AMZ1: variants seen among roughly 807,000 people sequenced by gnomAD.
The protein encoded by AMZ1 is archaemetzincin-1.
A neutral mutation model predicts 29.9 loss-of-function variants in AMZ1; 39 were observed. The observed-to-expected ratio is 1.30, with a 90% CI of 1.01 to 1.70. The LOEUF is 1.70. Among genes scored for constraint, AMZ1 ranks in the 40% most tolerant of loss-of-function variants. The pLI is 0.00. For synonymous variants in AMZ1, 458 were observed against 304.0 expected, an observed-to-expected ratio of 1.51 and a Z score of -5.27; for missense variants, 1,041 against 680.6, an observed-to-expected ratio of 1.53 and a Z score of -5.89.
At chr7:2,691,660 G>A (rs758812246) in intron 1 of AMZ1, among the ~76,000 whole-genome samples, 2 of 144,100 alleles carry the variant, frequency 1.4e-5, no homozygotes, top group Non-Finnish European at 3.0e-5. Context: ...GAACCCAGGA[G>A]GCGGAGGTTG....
chr7:2,745,032 T>C (rs1790698365), intron 4 of AMZ1, among the ~76,000 whole-genome samples: 1 of 152,086 alleles, frequency 6.6e-6, no homozygotes, highest in African/African-American at 2.4e-5. Context: ...AAAGACCAAA[T>C]CTACATCTGA....
rs1211407749 is a variant in AMZ1, at chr7:2,702,746, G to A, written c.329G>A (p.Ser110Asn). 1 of 1,538,892 alleles carries A rather than the reference G, an allele frequency of 6.5e-7. No homozygotes were observed. The stretch of plus-strand genomic sequence containing the variant: ...GACCTGAGCGAGGAGCCGGTGGGAA[G>A]CTCCCTGCTGCACCAGCTGTGCAGC... ...PIDLSEEPVGSSLLHQLCSCT... is the reference protein window; with the variant it reads ...PIDLSEEPVGNSLLHQLCSCT... Residue 110 changes from serine to asparagine, a missense_variant, in exon 3 of 7, where the codon AGC becomes AAC. By Grantham distance (46) the Ser-to-Asn change is conservative (BLOSUM62 1). Transcript: ENST00000683327.
At chr7:2,758,701 G>T (rs1791415888) in intron 4 of AMZ1, among the ~76,000 whole-genome samples, 1 of 152,222 alleles carries the variant, frequency 6.6e-6, no homozygotes, top group Non-Finnish European at 1.5e-5. Context: ...TGCCTGTGTA[G>T]CAGCGTGCCC....
chr7:2,765,032 A>G (rs1202656925), intron 1 of AMZ1: 2 of 152,250 alleles, frequency 1.3e-5, no homozygotes, highest in East Asian at 3.8e-4. Context: ...AAAGGAAAGG[A>G]AGCATAATCT....
intron 4 of AMZ1, among the ~76,000 whole-genome samples, chr7:2,738,124 CA>C (rs1243667076): frequency 6.6e-6 from 1 of 152,058 alleles, no homozygotes; most frequent in South Asian, 2.1e-4. Flanking sequence ...TTATCATCCC[CA>C]AATATTAGGT....
intron 4 of AMZ1, among the ~76,000 whole-genome samples, chr7:2,747,318 C>T (rs1393704052): frequency 6.6e-6 from 1 of 152,166 alleles, no homozygotes; most frequent in African/African-American, 2.4e-5. Flanking sequence ...AAAGCTTATC[C>T]ACCATGATCA....
rs1787973509 is a variant in AMZ1 at position 2,700,337 on chromosome 7, G to C, written c.-115G>C. On this transcript the variant is annotated 5_prime_UTR_variant, in exon 2 of 7. Coordinates refer to ENST00000683327, the MANE Select transcript of AMZ1 (RefSeq NM_001384743.1). The stretch of plus-strand genomic sequence containing the variant: ...AGTGTCTGTCTGCAGGGAGCCCCCG[G>C]TAGCCACTCGGATCAGCCCGAGGGA... 1.6e-6 allele frequency: 2 copies of C among 1,257,374 alleles called. No homozygotes were observed. Among genetic ancestry groups the C allele is most frequent in the Admixed American group, 5.0e-5 (2 of 39,960 alleles). 77.9% of individuals were successfully genotyped at this position (1,257,374 alleles called of 1,614,324 possible). A position where few individuals can be genotyped will look rare whatever the true frequency, so the allele number is the denominator to read the frequency against.
In AMZ1 at chr7:2,745,506, A is replaced by G. The variant is rs11975482; in HGVS notation, n.551-19206A>G. Among the ~76,000 whole-genome samples, 700 of 152,240 alleles carry G rather than the reference A, an allele frequency of 4.6e-3. 8 individuals are homozygous for G. Among genetic ancestry groups the G allele is most frequent in the African/African-American group, 0.016 (660 of 41,544 alleles). ...TCACCACCAGGCCTGCCCTAAAAGA[A>G]CTCCTGAAGGAAGTGCTAAACATGG... On this transcript the variant is annotated intron_variant and non_coding_transcript_variant, in intron 4 of 4. Coordinates refer to the AMZ1 transcript ENST00000489665.
intron 4 of AMZ1, among the ~76,000 whole-genome samples, chr7:2,725,353 G>A (rs1562385299): frequency 6.6e-6 from 1 of 152,254 alleles, no homozygotes; most frequent in Non-Finnish European, 1.5e-5. Flanking sequence ...AGCTGCGCGA[G>A]GGGAAGGGCG....
Position 2,712,753 on chromosome 7 carries a change from A to T in AMZ1, c.1372A>T (p.Arg458Trp). ...PATRQDPPSS[R>W]DSVGLRKVLG... ...CACCAGGCAGGACCCACCCAGCAGC[A>T]GGGACAGCGTGGGGCTGCGCAAGGT... The change falls in exon 7 of 7, where the codon AGG becomes TGG. Residue 458 changes from arginine to tryptophan, a missense_variant. Physicochemically the swap from Arg to Trp is moderately radical, Grantham distance 101. Transcript: ENST00000683327. The T allele has an allele frequency of 6.2e-7, 1 of 1,603,278 alleles. No individual in the cohort carries two copies. Among genetic ancestry groups the T allele is most frequent in the Non-Finnish European group, 8.5e-7 (1 of 1,173,862 alleles).
At chr7:2,737,265 TTTTGTTTTGTTTTTTTTTTTTTTG>T (rs1487562669) in intron 4 of AMZ1, among the ~76,000 whole-genome samples, 41 of 65,576 alleles carry the variant, frequency 6.3e-4, no homozygotes, top group African/African-American at 1.8e-3. Flanking sequence ...TATCTCACAG[TTTTGTTTTGTTTTTTTTTTTTTTG>T]TTTTTTTTTT....
chr7:2,692,016 C>A (rs1401225426), intron 1 of AMZ1, among the ~76,000 whole-genome samples: 1 of 152,170 alleles, frequency 6.6e-6, no homozygotes, highest in African/African-American at 2.4e-5. Flanking sequence ...GGTGCTTGCC[C>A]CTTGTGGGCG....
rs1562409543 is a variant in AMZ1 at position 2,757,128 on chromosome 7, C to CTTTT, written n.551-7584_551-7583insTTTT. Among the ~76,000 whole-genome samples the CTTTT allele has an allele frequency of 5.7e-4, 66 of 115,092 alleles. 1 individual carries two copies. Among genetic ancestry groups the CTTTT allele is most frequent in the Non-Finnish European group, 7.8e-4 (44 of 56,624 alleles). 75.5% of individuals were successfully genotyped at this position (115,092 alleles called of 152,430 possible). On this transcript the variant is annotated intron_variant and non_coding_transcript_variant, in intron 4 of 4. Coordinates refer to the AMZ1 transcript ENST00000489665. ...GGCAGGCCCGATCTAATCAGGTGGG[C>CTTTT]CTTTTTTTTTTTTTTTTTTTTTTTT...
intron 4 of AMZ1, among the ~76,000 whole-genome samples, chr7:2,726,925 C>G (rs1425384257): frequency 6.6e-6 from 1 of 152,222 alleles, no homozygotes; most frequent in African/African-American, 2.4e-5. Flanking sequence ...ATGGGCACCG[C>G]TGGTCTCCAG....
chr7:2,701,479 GCT>G (rs1236277138), intron 2 of AMZ1, among the ~76,000 whole-genome samples: 10 of 152,278 alleles, frequency 6.6e-5, no homozygotes, highest in African/African-American at 2.4e-4. Flanking sequence ...TGTCCTCAGA[GCT>G]CTGTGTCTGG....
chr7:2,686,069 T>C (rs1329838690), upstream of AMZ1, among the ~76,000 whole-genome samples: 3 of 152,148 alleles, frequency 2.0e-5, no homozygotes, highest in Non-Finnish European at 4.4e-5. Context: ...ATCACAGTGA[T>C]ATATGCTAGT....
intron 1 of AMZ1, among the ~76,000 whole-genome samples, chr7:2,699,222 G>A (rs751260432): frequency 5.9e-5 from 9 of 152,118 alleles, no homozygotes; most frequent in South Asian, 4.1e-4. Context: ...AATGTAGCCC[G>A]GAACCAAGTG....
chr7:2,712,608 G>C lies in AMZ1; in HGVS notation c.1227G>C (p.Arg409=). 6.2e-7 allele frequency: 1 copy of C among 1,612,826 alleles called. No individual in the cohort carries two copies. The highest frequency in any genetic ancestry group is 8.5e-7 in the Non-Finnish European group (1 of 1,179,802). ...CGGAGGCCATCAAGGAGCATGAACG[G>C]TGGCTGGCCATGTGCATCCAGGCCC... ...GPAEAIKEHE[R]WLAMCIQALQ... The change falls in exon 7 of 7, where the codon CGG becomes CGC. Residue 409 remains arginine (R), a synonymous_variant. Transcript: ENST00000683327.
At chr7:2,735,354 G>A (rs919133718) in intron 4 of AMZ1, among the ~76,000 whole-genome samples, 2 of 152,220 alleles carry the variant, frequency 1.3e-5, no homozygotes, top group Non-Finnish European at 2.9e-5. Flanking sequence ...GGAAGCAGAG[G>A]CAGTTCTCCT....
Sources: allele counts gnomAD v4.1 joint callset (sites outside exome capture counted in the v4.1 genomes callset), GRCh38; gene constraint gnomAD v4.1.1; transcripts MANE v1.5; gene names NCBI Gene and HGNC (gene_info 2026-07-23, HGNC 2026-07-21).